Variants in SGCD observed in about 807,000 individuals in gnomAD.
SGCD encodes delta-sarcoglycan.
Under a neutral mutation model 36.6 loss-of-function variants are expected in SGCD, and 18 were observed. The ratio of observed to expected loss-of-function variants is 0.49; its 90% CI spans 0.34 to 0.73. The LOEUF is 0.73. Ranked by LOEUF, SGCD falls within the 30% of genes least tolerant of loss-of-function variation. The probability of loss-of-function intolerance (pLI) is 0.01; values close to 1 mark genes in which losing one functional copy is unlikely to be tolerated. For missense variants in SGCD, 387 were observed against 346.7 expected (o/e 1.12, Z -0.92); for synonymous variants, 133 against 130.6 (o/e 1.02, Z -0.12).
chr5:156,187,367 G>T (rs1244308479), intron 3 of SGCD, among the ~76,000 whole-genome samples: 1 of 152,028 alleles, frequency 6.6e-6, no homozygotes, highest in Non-Finnish European at 1.5e-5. Flanking sequence ...TCAGTAAAGA[G>T]AATTGCTGAA....
At chr5:156,209,105 C>T (rs1764368039) in intron 3 of SGCD, among the ~76,000 whole-genome samples, 1 of 152,116 alleles carries the variant, frequency 6.6e-6, no homozygotes, top group Non-Finnish European at 1.5e-5. Flanking sequence ...TAGACAGGCC[C>T]CCCACAGCCA....
chr5:156,720,262 G>A (rs1165115994), intron 7 of SGCD, among the ~76,000 whole-genome samples: 1 of 152,202 alleles, frequency 6.6e-6, no homozygotes, highest in Non-Finnish European at 1.5e-5. Flanking sequence ...CAAAGGTCAG[G>A]CAGGAATAAA....
intron 1 of SGCD, among the ~76,000 whole-genome samples, chr5:156,116,057 A>G (rs1420995633): frequency 1.3e-5 from 2 of 152,116 alleles, no homozygotes; most frequent in African/African-American, 4.8e-5. Flanking sequence ...TTGATCTTAA[A>G]ATTTTATTAT....
chr5:155,896,177 C>T (rs1212345851), intron 1 of SGCD, among the ~76,000 whole-genome samples: 1 of 152,150 alleles, frequency 6.6e-6, no homozygotes, highest in African/African-American at 2.4e-5. Context: ...TCGATTGATT[C>T]TGCAATAGGA....
chr5:156,008,842 C>A (rs1350001829), intron 1 of SGCD, among the ~76,000 whole-genome samples: 1 of 152,216 alleles, frequency 6.6e-6, no homozygotes, highest in African/African-American at 2.4e-5. Context: ...GCAGGAGGCA[C>A]AATTCAACTC....
chr5:156,435,161 C>T (rs1477825703), intron 3 of SGCD, among the ~76,000 whole-genome samples: 1 of 152,118 alleles, frequency 6.6e-6, no homozygotes, highest in Non-Finnish European at 1.5e-5. Context: ...GGAATAGAAA[C>T]AGTTCTTAGG....
At position 156,118,367 on chromosome 5, in the gene SGCD, C is replaced by T. The variant is rs532804158; in HGVS notation, c.-208+416C>T. ...TTTTGGCTAGGAATGGGGACCACTTCCCTGGTAACAAAGAGCAATTTCTTA... is the reference window on the plus strand; with the variant it reads ...TTTTGGCTAGGAATGGGGACCACTTTCCTGGTAACAAAGAGCAATTTCTTA... On this transcript the variant is annotated intron_variant, in intron 2 of 9. Coordinates refer to the SGCD transcript ENST00000517913. Among the ~76,000 whole-genome samples the T allele has an allele frequency of 9.2e-5, 14 of 152,178 alleles. No individual in the cohort carries two copies. In the South Asian group the frequency reaches 2.7e-3, roughly 29 times the overall value.
intron 1 of SGCD, among the ~76,000 whole-genome samples, chr5:155,952,534 C>T (rs1247919512): frequency 1.3e-5 from 2 of 152,076 alleles, no homozygotes; most frequent in East Asian, 1.9e-4. Context: ...GTCCAAAAGA[C>T]GTACCCTGTT....
At chr5:156,428,879 T>C (rs1440598195) in intron 3 of SGCD, among the ~76,000 whole-genome samples, 2 of 152,160 alleles carry the variant, frequency 1.3e-5, no homozygotes, top group Non-Finnish European at 2.9e-5. Context: ...CTAGTTTTAT[T>C]CCACTGTGAT....
the SGCD span, chr5:155,845,589 A>G: frequency 6.6e-6 from 1 of 152,204 alleles, no homozygotes; most frequent in Non-Finnish European, 1.5e-5. Flanking sequence ...AATAATTTTA[A>G]TACAACTCTC....
At chr5:156,261,280 C>A (rs961297599) in intron 3 of SGCD, among the ~76,000 whole-genome samples, 3 of 152,038 alleles carry the variant, frequency 2.0e-5, no homozygotes, top group Admixed American at 6.6e-5. Flanking sequence ...GCATAGGATA[C>A]CCTATTTTTA....
intron 1 of SGCD, among the ~76,000 whole-genome samples, chr5:156,091,777 T>C (rs978249400): frequency 6.6e-6 from 1 of 152,230 alleles, no homozygotes; most frequent in Non-Finnish European, 1.5e-5. Flanking sequence ...AGTAGCCTCC[T>C]TTTGTTCCAG....
At chr5:156,568,470 G>T (rs1274191575) in intron 4 of SGCD, among the ~76,000 whole-genome samples, 2 of 152,242 alleles carry the variant, frequency 1.3e-5, no homozygotes, top group East Asian at 3.8e-4. Context: ...ACTGGCTGCA[G>T]AATGTAACCG....
the SGCD span, among the ~76,000 whole-genome samples, chr5:155,858,152 G>A: frequency 4.6e-5 from 7 of 151,586 alleles, no homozygotes; most frequent in East Asian, 1.3e-3. Context: ...TCTATTGTCT[G>A]TGTTTCATTT....
intron 1 of SGCD, among the ~76,000 whole-genome samples, chr5:155,918,754 T>A (rs1174854830): frequency 6.6e-6 from 1 of 152,206 alleles, no homozygotes. Flanking sequence ...GCCATTGGAT[T>A]TCAATTTCTG....
chr5:156,421,586 T>TATAA (rs973333522), intron 3 of SGCD, among the ~76,000 whole-genome samples: 8 of 152,014 alleles, frequency 5.3e-5, no homozygotes, highest in Non-Finnish European at 8.8e-5. Context: ...GAAGATGTGG[T>TATAA]ATAAAGGGCA....
intron 4 of SGCD, among the ~76,000 whole-genome samples, chr5:156,539,422 C>A (rs1309047001): frequency 6.6e-6 from 1 of 151,624 alleles, no homozygotes; most frequent in Non-Finnish European, 1.5e-5. Context: ...TCCATCCTTT[C>A]CCCCAAGTCC....
chr5:156,182,781 G>A (rs1157790529), intron 3 of SGCD, among the ~76,000 whole-genome samples: 1 of 152,102 alleles, frequency 6.6e-6, no homozygotes, highest in African/African-American at 2.4e-5. Context: ...TCTTTCTTTT[G>A]ATTCTGAGTT....
chr5:156,011,916 C>T (rs1230604709), intron 1 of SGCD, among the ~76,000 whole-genome samples: 1 of 151,968 alleles, frequency 6.6e-6, no homozygotes, highest in Non-Finnish European at 1.5e-5. Flanking sequence ...ATACTACCCT[C>T]ATTTGTAATA....
Sources: gnomAD v4.1 joint callset for allele counts (sites outside exome capture counted in the v4.1 genomes callset) on GRCh38, gnomAD v4.1.1 for gene constraint, MANE v1.5 for transcripts, NCBI Gene and HGNC (gene_info 2026-07-23, HGNC 2026-07-21) for gene names.